Variants in NFASC observed in about 807,000 individuals in gnomAD.
NFASC encodes neurofascin homolog.
NFASC carries 43 observed loss-of-function variants against 147.5 expected under a neutral mutation model. The observed-to-expected ratio is 0.29, with a 90% CI of 0.23 to 0.38. The LOEUF (loss-of-function observed/expected upper bound fraction) is 0.38. Ranked by LOEUF, NFASC falls within the 10% of genes least tolerant of loss-of-function variation. The pLI, the probability that NFASC is intolerant of heterozygous loss-of-function variation, is 1.00. For missense variants in NFASC, 1,320 were observed against 1,689.0 expected (o/e 0.78, Z 3.83); for synonymous variants, 622 against 665.5 (o/e 0.93, Z 1.01).
At chr1:204,953,675 A>C (rs2094271277) in intron 5 of NFASC, among the ~76,000 whole-genome samples, 1 of 152,152 alleles carries the variant, frequency 6.6e-6, no homozygotes. Context: ...AAGTAACCTA[A>C]GCCGTTTCAC....
chr1:204,978,463 C>A (rs1467050959), intron 17 of NFASC, among the ~76,000 whole-genome samples: 1 of 152,192 alleles, frequency 6.6e-6, no homozygotes, highest in African/African-American at 2.4e-5. Context: ...CTTTGTTGCC[C>A]CCACTCCCCT....
rs1176902868 is a variant in NFASC, at chr1:204,952,057, C to T, written c.156C>T (p.Ile52=). ...TITKQSAKDH[I]VDPRDNILIE... Reference sequence around the variant, plus strand: ...CCAAGCAGTCAGCGAAGGATCACATCGTGGACCCCCGTGATAACATCCTGA... The same window carrying T: ...CCAAGCAGTCAGCGAAGGATCACATTGTGGACCCCCGTGATAACATCCTGA... The change falls in exon 5 of 30, where the codon ATC becomes ATT. Residue 52 remains isoleucine, a synonymous_variant. Transcript: ENST00000339876. 3 of 1,614,060 alleles carry T rather than the reference C, an allele frequency of 1.9e-6. No homozygotes were observed. The highest frequency in any genetic ancestry group is 2.2e-5 in the East Asian group (1 of 44,884).
chr1:204,909,294 G>A (rs936815379), intron 1 of NFASC, among the ~76,000 whole-genome samples: 1 of 152,088 alleles, frequency 6.6e-6, no homozygotes, highest in South Asian at 2.1e-4. Context: ...TAGGTGTATA[G>A]TGATGTCTCA....
intron 29 of NFASC, 51 bp downstream of exon 29, chr1:205,012,917 G>A (rs753995531): frequency 7.6e-7 from 1 of 1,316,572 alleles, no homozygotes; most frequent in Admixed American, 1.7e-5. Context: ...CCCTGTCCCT[G>A]AGGCACCACC....
At chr1:204,948,149 C>T (rs954430848) in intron 3 of NFASC, among the ~76,000 whole-genome samples, 5 of 152,208 alleles carry the variant, frequency 3.3e-5, no homozygotes, top group Non-Finnish European at 5.9e-5. Context: ...CCTCGCAGAC[C>T]GAGCAGGCAT....
rs368438179 is a variant in NFASC at position 204,957,702 on chromosome 1, C to T, written c.582C>T (p.Asn194=). Residue 194 remains asparagine, a synonymous_variant, in exon 8 of 30, where the codon AAC becomes AAT. Transcript: ENST00000339876. The part of the protein sequence containing the change: ...TQDKRVSQGH[N]GDLYFSNVML... ...ACAAACGTGTCTCTCAGGGCCATAA[C>T]GGAGACCTATACTTCTCCAACGTGA... The T allele has an allele frequency of 7.1e-5, 115 of 1,614,154 alleles. No individual in the cohort carries two copies. The highest frequency in any genetic ancestry group is 3.3e-4 in the Middle Eastern group (2 of 6,062).
At chr1:205,013,516 T>C (rs2096289875) in intron 29 of NFASC, among the ~76,000 whole-genome samples, 1 of 152,132 alleles carries the variant, frequency 6.6e-6, no homozygotes, top group Non-Finnish European at 1.5e-5. Context: ...CCCAGTGAGT[T>C]AGTGGCAAAG....
chr1:204,948,824 A>T (rs1324994007), intron 3 of NFASC, among the ~76,000 whole-genome samples: 1 of 152,152 alleles, frequency 6.6e-6, no homozygotes, highest in Non-Finnish European at 1.5e-5. Context: ...CCAGGGTGAG[A>T]CCCCAAAAAT....
Position 204,968,326 on chromosome 1 carries a change from A to G in NFASC, c.784A>G (p.Met262Val), listed in dbSNP as rs1430416949. ...GAGCAGCCAGATGGTGCTTCGTGGCATGGACCTCCTGCTGGAATGCATCGC... is the reference window on the plus strand; with the variant it reads ...GAGCAGCCAGATGGTGCTTCGTGGCGTGGACCTCCTGCTGGAATGCATCGC... ...TASSQMVLRG[M>V]DLLLECIASG... Residue 262 changes from methionine to valine, a missense_variant, in exon 9 of 30, where the codon ATG (methionine) becomes GTG (valine). Met to Val is a conservative substitution (Grantham distance 21). Coordinates refer to ENST00000339876, the MANE Select transcript of NFASC (RefSeq NM_001005388.3). The surrounding 1 kb of genome is among the most constrained non-coding windows in gnomAD (Gnocchi z 5.4). 6.2e-7 allele frequency: 1 copy of G among 1,614,092 alleles called. No individual in the cohort carries two copies. The highest frequency in any genetic ancestry group is 1.3e-5 in the African/African-American group (1 of 74,932).
chr1:204,995,356 G>A (rs1045057023), intron 24 of NFASC, among the ~76,000 whole-genome samples: 3 of 149,076 alleles, frequency 2.0e-5, no homozygotes, highest in East Asian at 3.9e-4. Context: ...GTGTGTGTAT[G>A]TGTGTCGGTG....
intron 21 of NFASC, among the ~76,000 whole-genome samples, chr1:204,983,405 C>T (rs2095546163): frequency 6.6e-6 from 1 of 152,048 alleles, no homozygotes; most frequent in African/African-American, 2.4e-5. Context: ...GGAGGGAAAA[C>T]GGCAAGATAC....
intron 2 of NFASC, chr1:204,929,354 AG>A (rs2092108786): frequency 6.6e-6 from 1 of 152,296 alleles, no homozygotes. Flanking sequence ...AGGAGGGAGG[AG>A]GGGGAAGCAG....
rs534566018 is a variant in NFASC, at chr1:204,956,930, T to C, written c.536-726T>C. ...TTGAAAAAAAAAAGAAAAGAAAATA[T>C]AGTCAACATTTTCAGCCACTCCAGT... is the stretch of plus-strand genomic sequence containing the variant. On this transcript the variant is annotated intron_variant, in intron 7 of 29. Transcript: ENST00000339876. Among the ~76,000 whole-genome samples the C allele has an allele frequency of 2.6e-5, 4 of 152,106 alleles. No individual in the cohort carries two copies. In the South Asian group the frequency reaches 6.2e-4, roughly 24 times the overall value.
chr1:204,984,538 A>G (rs1162893329), intron 21 of NFASC, among the ~76,000 whole-genome samples: 1 of 151,918 alleles, frequency 6.6e-6, no homozygotes, highest in Non-Finnish European at 1.5e-5. Context: ...GTGGGCACAC[A>G]TGTATCTTCA....
At chr1:204,850,581 A>T (rs1169950931) in intron 1 of NFASC, among the ~76,000 whole-genome samples, 4 of 152,186 alleles carry the variant, frequency 2.6e-5, no homozygotes, top group Non-Finnish European at 5.9e-5. Context: ...TATTCTTGTG[A>T]TAGTGAGTGA....
chr1:204,939,003 G>A (rs1165496231), intron 2 of NFASC, among the ~76,000 whole-genome samples: 1 of 147,282 alleles, frequency 6.8e-6, no homozygotes, highest in Non-Finnish European at 1.5e-5. Flanking sequence ...GTCACCTTCA[G>A]GTAGTTCTAT....
At chr1:204,840,285 A>G (rs757827965) in intron 1 of NFASC, among the ~76,000 whole-genome samples, 1 of 152,178 alleles carries the variant, frequency 6.6e-6, no homozygotes, top group Non-Finnish European at 1.5e-5. Context: ...AGATCTTACA[A>G]TATGCTGATA....
chr1:204,829,282 C>T (rs1051428348), intron 1 of NFASC, among the ~76,000 whole-genome samples: 41 of 151,330 alleles, frequency 2.7e-4, no homozygotes, highest in Non-Finnish European at 1.9e-4. Flanking sequence ...TTCTGTCCTC[C>T]CCTGGTTCCC....
chr1:205,002,770 C>A, intron 27 of NFASC, 22 bp downstream of exon 27: 1 of 1,418,562 alleles, frequency 7.0e-7, no homozygotes, highest in Non-Finnish European at 9.4e-7. Flanking sequence ...CCTGGCCTGG[C>A]CATCCCCTGC....
Sources: allele counts gnomAD v4.1 joint callset (sites outside exome capture counted in the v4.1 genomes callset), GRCh38; gene constraint gnomAD v4.1.1; non-coding constraint Gnocchi (gnomAD v3.1); transcripts MANE v1.5; gene names NCBI Gene and HGNC (gene_info 2026-07-23, HGNC 2026-07-21).